Variants in MAP7D2 observed in about 807,000 individuals in gnomAD.
The protein encoded by MAP7D2 is MAP7 domain containing 2.
A neutral mutation model predicts 63.5 loss-of-function variants in MAP7D2; 33 were observed. The observed-to-expected ratio is 0.52, with a 90% CI of 0.39 to 0.70. The LOEUF is 0.70. Ranked by LOEUF, MAP7D2 falls within the 30% of genes least tolerant of loss-of-function variation. The pLI is 0.00. For missense variants in MAP7D2, 626 were observed against 604.0 expected, an observed-to-expected ratio of 1.04 and a Z score of -0.38; for synonymous variants, 224 against 223.7, an observed-to-expected ratio of 1.00 and a Z score of -0.01.
chrX:20,012,942 G>T, intron 14 of MAP7D2, 112 bp downstream of exon 14: 1 of 597,174 alleles, frequency 1.7e-6, no homozygotes, highest in Non-Finnish European at 2.7e-6. Flanking sequence ...AACTGCACAG[G>T]CCCCTGCCAG....
chrX:20,042,512 C>T lies in MAP7D2; in HGVS notation c.997G>A (p.Val333Met). The T allele has an allele frequency of 8.3e-7, 1 of 1,211,260 alleles. No individual in the cohort carries two copies. The highest frequency in any genetic ancestry group is 1.1e-6 in the Non-Finnish European group (1 of 895,102). Residue 333 changes from valine to methionine, a missense_variant, in exon 8 of 17, where the codon GTG becomes ATG. Transcript: ENST00000379643. ...GGIPKRPSSP[V>M]ISKTATKAYP... ...GGGAGAGATGCTTACTTGGATATCACAGGAGAAGATGGTCTCTTAGGAATG... is the reference window on the plus strand; with the variant it reads ...GGGAGAGATGCTTACTTGGATATCATAGGAGAAGATGGTCTCTTAGGAATG...
intron 8 of MAP7D2, among the ~76,000 whole-genome samples, chrX:20,033,842 C>T (rs926919253): frequency 2.7e-5 from 3 of 112,172 alleles, no homozygotes; most frequent in African/African-American, 6.5e-5. Flanking sequence ...TGTGTGGCAT[C>T]ATTCTAAAAA....
At chrX:20,026,265 G>T (rs2073841239) in intron 8 of MAP7D2, among the ~76,000 whole-genome samples, 1 of 111,728 alleles carries the variant, frequency 9.0e-6, no homozygotes, top group African/African-American at 3.3e-5. Flanking sequence ...CTCTTTTTAG[G>T]TGAACATCAG....
At chrX:20,099,978 G>A (rs1008200671) in intron 1 of MAP7D2, among the ~76,000 whole-genome samples, 5 of 111,460 alleles carry the variant, frequency 4.5e-5, no homozygotes, top group East Asian at 2.8e-4. Flanking sequence ...TTTTATTTGA[G>A]GGAAATCCTA....
In MAP7D2 at chrX:20,010,393, G is replaced by T. The variant is rs147732964; in HGVS notation, c.*26+384C>A. On this transcript the variant is annotated intron_variant, in intron 16 of 16. Transcript: ENST00000379643. The stretch of plus-strand genomic sequence containing the variant: ...TATGAATGATTCTAGATAGAATGTG[G>T]GATGTCACTGAGCAAAACTAGAGGT... Among the ~76,000 whole-genome samples, 432 of 111,728 alleles carry T rather than the reference G, an allele frequency of 3.9e-3. 1 individual carries two copies. Among genetic ancestry groups the T allele is most frequent in the African/African-American group, 0.014 (421 of 30,702 alleles).
At chrX:20,108,286 G>A (rs1241324419) in intron 1 of MAP7D2, among the ~76,000 whole-genome samples, 2 of 108,018 alleles carry the variant, frequency 1.9e-5, no homozygotes, top group Non-Finnish European at 3.8e-5. Context: ...CTAGGCTGGA[G>A]TGCAGTGGCG....
chrX:20,056,561 T>C (rs1384572709), intron 4 of MAP7D2, 119 bp downstream of exon 4: 2 of 527,454 alleles, frequency 3.8e-6, no homozygotes, highest in East Asian at 7.1e-5. Flanking sequence ...GTGGTGCCTC[T>C]GAAAAGCTGT....
intron 1 of MAP7D2, among the ~76,000 whole-genome samples, chrX:20,103,880 T>C (rs2066500262): frequency 9.0e-6 from 1 of 111,189 alleles, no homozygotes. Flanking sequence ...AATCTTTACA[T>C]GCCAAAGTGT....
chrX:20,112,808 A>G (rs1292691750), intron 1 of MAP7D2, among the ~76,000 whole-genome samples: 1 of 111,421 alleles, frequency 9.0e-6, no homozygotes, highest in Non-Finnish European at 1.9e-5. Context: ...TCCTCTCAAC[A>G]AGACCCACCA....
At chrX:20,018,935 C>T (rs2073525885) in intron 10 of MAP7D2, among the ~76,000 whole-genome samples, 1 of 111,695 alleles carries the variant, frequency 9.0e-6, no homozygotes, top group African/African-American at 3.3e-5. Flanking sequence ...TCATCATTTT[C>T]CCCACCGCCC....
intron 3 of MAP7D2, among the ~76,000 whole-genome samples, chrX:20,059,123 T>G (rs1283095601): frequency 8.9e-6 from 1 of 112,498 alleles, no homozygotes; most frequent in Non-Finnish European, 1.9e-5. Flanking sequence ...ATGACTAGTA[T>G]GCAGTAAGTC....
chrX:20,039,505 G>A (rs2064590993), intron 8 of MAP7D2, among the ~76,000 whole-genome samples: 1 of 112,076 alleles, frequency 8.9e-6, no homozygotes, highest in Non-Finnish European at 1.9e-5. Flanking sequence ...CTCAGGAGAT[G>A]TGTATGGGTT....
intron 10 of MAP7D2, among the ~76,000 whole-genome samples, chrX:20,024,195 A>G (rs1223057756): frequency 1.8e-5 from 2 of 112,078 alleles, no homozygotes. Flanking sequence ...GTCCTTCAAC[A>G]TGCTTTCCTC....
chrX:20,077,442 G>A (rs948807065), intron 1 of MAP7D2, among the ~76,000 whole-genome samples: 4 of 111,516 alleles, frequency 3.6e-5, no homozygotes, highest in African/African-American at 6.5e-5. Context: ...ATCAGAATAA[G>A]ACTCTGTCTA....
At chrX:20,104,726 C>G (rs1226915721) in intron 1 of MAP7D2, among the ~76,000 whole-genome samples, 1 of 112,258 alleles carries the variant, frequency 8.9e-6, no homozygotes, top group African/African-American at 3.2e-5. Flanking sequence ...CGTATCTCCA[C>G]CAGGGGAAAA....
intron 6 of MAP7D2, among the ~76,000 whole-genome samples, chrX:20,049,192 C>A (rs1354276547): frequency 9.1e-6 from 1 of 110,122 alleles, no homozygotes; most frequent in South Asian, 3.9e-4. Context: ...TAGAAGCACA[C>A]AATATGTGGC....
At position 20,012,463 on chromosome X, in the gene MAP7D2, T is replaced by C. The variant is rs2073236481; in HGVS notation, c.1958A>G (p.Asp653Gly). ...DHAAPETYPQ[D>G]IFSNGLKPAG... ...TGGCTTAAGCCCATTAGAGAAAATG[T>C]CTTGGGGATAAGTTTCTGGGGCAGC... Residue 653 changes from aspartate to glycine, a missense_variant, in exon 15 of 17, where the codon GAC becomes GGC. By Grantham distance (94) the Asp-to-Gly change is moderately conservative. Coordinates refer to ENST00000379643, the MANE Select transcript of MAP7D2 (RefSeq NM_001168465.2). 6 of 1,209,657 alleles carry C rather than the reference T, an allele frequency of 5.0e-6. No individual in the cohort carries two copies. The highest frequency in any genetic ancestry group is 5.6e-6 in the Non-Finnish European group (5 of 894,228).
chrX:20,110,547 A>G (rs2066713189), intron 1 of MAP7D2, among the ~76,000 whole-genome samples: 1 of 107,348 alleles, frequency 9.3e-6, no homozygotes, highest in South Asian at 4.3e-4. Flanking sequence ...CTATAGTCCC[A>G]GCTCCTTGGA....
intron 4 of MAP7D2, among the ~76,000 whole-genome samples, chrX:20,053,265 C>G (rs2064995249): frequency 8.9e-6 from 1 of 112,327 alleles, no homozygotes; most frequent in Admixed American, 9.4e-5. Flanking sequence ...TCAACTGAAG[C>G]CGTGTTAATC....
Sources: allele counts gnomAD v4.1 joint callset (sites outside exome capture counted in the v4.1 genomes callset), GRCh38; gene constraint gnomAD v4.1.1; transcripts MANE v1.5; gene names NCBI Gene and HGNC (gene_info 2026-07-23, HGNC 2026-07-21).